Variants in BNC2 observed in about 807,000 individuals in gnomAD.
The protein encoded by BNC2 is zinc finger protein basonuclin-2.
A neutral mutation model predicts 76.3 loss-of-function variants in BNC2; 20 were observed. The observed-to-expected ratio is 0.26, with a 90% CI of 0.18 to 0.38. The LOEUF (loss-of-function observed/expected upper bound fraction) is 0.38, where lower values mean the gene tolerates loss of function less well. Ranked by LOEUF, BNC2 falls within the 10% of genes least tolerant of loss-of-function variation. The pLI, the probability that BNC2 is intolerant of heterozygous loss-of-function variation, is 1.00. For synonymous variants in BNC2, 582 were observed against 514.8 expected, an observed-to-expected ratio of 1.13 and a Z score of -1.77; for missense variants, 1,382 against 1,399.8, an observed-to-expected ratio of 0.99 and a Z score of 0.20.
intron 3 of BNC2, among the ~76,000 whole-genome samples, chr9:16,662,857 G>T (rs1003676488): frequency 6.6e-5 from 10 of 152,128 alleles, no homozygotes; most frequent in African/African-American, 2.4e-4. Context: ...TTCTTAAAAG[G>T]TTACTAAATC....
chr9:16,692,049 G>T (rs1316911582), intron 3 of BNC2, among the ~76,000 whole-genome samples: 1 of 152,022 alleles, frequency 6.6e-6, no homozygotes, highest in East Asian at 1.9e-4. Flanking sequence ...GACCTAAAGT[G>T]ATCTGCCCAC....
chr9:16,736,072 A>G (rs1055852102), intron 2 of BNC2, among the ~76,000 whole-genome samples: 2 of 151,720 alleles, frequency 1.3e-5, no homozygotes, highest in Non-Finnish European at 2.9e-5. Context: ...CATCTCTACT[A>G]AAAATACAAA....
At chr9:16,490,592 G>A (rs1243383156) in intron 5 of BNC2, among the ~76,000 whole-genome samples, 2 of 152,174 alleles carry the variant, frequency 1.3e-5, no homozygotes, top group Non-Finnish European at 2.9e-5. Flanking sequence ...GTGTATGTGT[G>A]TGTTTAAGGA....
rs1365969268 is a variant in BNC2, at chr9:16,490,124, T to C, written c.670-52600A>G. 2.6e-5 allele frequency among the ~76,000 whole-genome samples: 4 copies of C among 152,308 alleles called. No homozygotes were observed. The South Asian group carries it at 6.2e-4, about 24-fold the overall frequency. On this transcript the variant is annotated intron_variant, in intron 5 of 6. Coordinates refer to ENST00000380672, the MANE Select transcript of BNC2 (RefSeq NM_017637.6). ...TTCTCCCCATTGTTAGAGTGAAAGCTCACTGTATTAGTCCATTTTCATGCT... is the reference window on the plus strand; with the variant it reads ...TTCTCCCCATTGTTAGAGTGAAAGCCCACTGTATTAGTCCATTTTCATGCT...
intron 1 of BNC2, among the ~76,000 whole-genome samples, chr9:16,854,902 C>T (rs1463887630): frequency 6.6e-6 from 1 of 152,012 alleles, no homozygotes; most frequent in East Asian, 1.9e-4. Context: ...GTGAACATCA[C>T]AGGTCACTGG....
At chr9:16,712,312 G>A (rs546544011) in intron 3 of BNC2, among the ~76,000 whole-genome samples, 124 of 152,224 alleles carry the variant, frequency 8.1e-4, no homozygotes, top group African/African-American at 3.0e-3. Context: ...AAAAGATGGT[G>A]ACATCCACTT....
chr9:16,700,224 G>A (rs1343169701), intron 3 of BNC2, among the ~76,000 whole-genome samples: 1 of 152,102 alleles, frequency 6.6e-6, no homozygotes, highest in Non-Finnish European at 1.5e-5. Context: ...CATTGCTATG[G>A]ATGAAACAAA....
At chr9:16,849,303 T>C (rs1819067440) in intron 1 of BNC2, among the ~76,000 whole-genome samples, 1 of 151,774 alleles carries the variant, frequency 6.6e-6, no homozygotes, top group Admixed American at 6.6e-5. Context: ...TTGCTAGTTA[T>C]ATTTTTAACA....
chr9:16,560,283 A>G (rs562045585), intron 4 of BNC2, among the ~76,000 whole-genome samples: 27 of 152,362 alleles, frequency 1.8e-4, no homozygotes, highest in Non-Finnish European at 3.1e-4. Context: ...TTGCAGCAAA[A>G]TAGTTGGAAA....
chr9:16,468,866 T>C (rs1371304237), intron 5 of BNC2, among the ~76,000 whole-genome samples: 2 of 152,338 alleles, frequency 1.3e-5, no homozygotes, highest in East Asian at 3.9e-4. Flanking sequence ...CATATACCTC[T>C]AGTTGTCCAT....
intron 1 of BNC2, among the ~76,000 whole-genome samples, chr9:16,763,703 T>A (rs779448480): frequency 1.3e-5 from 2 of 152,040 alleles, no homozygotes; most frequent in Non-Finnish European, 2.9e-5. Flanking sequence ...AGGCTAGTGG[T>A]GAGTGGCAGA....
At chr9:16,491,182 G>T (rs973194810) in intron 5 of BNC2, among the ~76,000 whole-genome samples, 7 of 152,196 alleles carry the variant, frequency 4.6e-5, no homozygotes, top group African/African-American at 1.7e-4. Context: ...ACATGTTGCA[G>T]TCAGTGAAAA....
chr9:16,842,970 T>C (rs1463669629), intron 1 of BNC2, among the ~76,000 whole-genome samples: 4 of 152,118 alleles, frequency 2.6e-5, no homozygotes. Context: ...CAGGCTGGAG[T>C]CAAACTCATA....
intron 5 of BNC2, among the ~76,000 whole-genome samples, chr9:16,459,286 T>A (rs1357523848): frequency 6.6e-6 from 1 of 152,152 alleles, no homozygotes; most frequent in East Asian, 1.9e-4. Flanking sequence ...CACATGTAGC[T>A]AGAAAGGAAA....
At chr9:16,634,268 C>G (rs569224646) in intron 3 of BNC2, among the ~76,000 whole-genome samples, 11 of 152,210 alleles carry the variant, frequency 7.2e-5, no homozygotes, top group South Asian at 6.2e-4. Flanking sequence ...ATCTATTCCT[C>G]TATTATTAAG....
chr9:16,469,460 C>T (rs968746337), intron 5 of BNC2, among the ~76,000 whole-genome samples: 1 of 152,184 alleles, frequency 6.6e-6, no homozygotes, highest in African/African-American at 2.4e-5. Flanking sequence ...CAGTGGCTTT[C>T]GCCTCTCACC....
intron 1 of BNC2, among the ~76,000 whole-genome samples, chr9:16,859,898 A>T (rs1228358661): frequency 6.6e-6 from 1 of 152,234 alleles, no homozygotes; most frequent in Non-Finnish European, 1.5e-5. Flanking sequence ...AGGCGGGCAG[A>T]ATGCTGAGGT....
In BNC2 at chr9:16,759,810, G is replaced by A. The variant is rs958405675; in HGVS notation, c.4-21325C>T. Reference sequence around the variant, plus strand: ...ACCATCCCGGCTCACTGCCTGCTCCGCCTCCCGGGTTCACACCATTCTCTT... The same window carrying A: ...ACCATCCCGGCTCACTGCCTGCTCCACCTCCCGGGTTCACACCATTCTCTT... On this transcript the variant is annotated intron_variant, in intron 1 of 6. Coordinates refer to ENST00000380672, the MANE Select transcript of BNC2 (RefSeq NM_017637.6). Among the ~76,000 whole-genome samples the A allele has an allele frequency of 5.3e-5, 8 of 150,242 alleles. No homozygotes were observed. The South Asian group carries it at 6.3e-4, about 12-fold the overall frequency.
chr9:16,845,438 T>C (rs375589750), intron 1 of BNC2, among the ~76,000 whole-genome samples: 206 of 152,198 alleles, frequency 1.4e-3, no homozygotes, highest in African/African-American at 1.8e-3. Context: ...AATAGGAAAA[T>C]TGGCCGGGCG....
Sources: allele counts gnomAD v4.1 joint callset (sites outside exome capture counted in the v4.1 genomes callset), GRCh38; gene constraint gnomAD v4.1.1; transcripts MANE v1.5; gene names NCBI Gene and HGNC (gene_info 2026-07-23, HGNC 2026-07-21).